The following ROCK1 variants were observed in gnomAD, a reference collection of about 807,000 sequenced individuals.
The protein encoded by ROCK1 is Rho associated coiled-coil containing protein kinase 1.
Under a neutral mutation model 196.8 loss-of-function variants are expected in ROCK1, and 36 were observed. The ratio of observed to expected loss-of-function variants is 0.18; its 90% confidence interval spans 0.14 to 0.24. ROCK1 has a LOEUF of 0.24. ROCK1 is among the 10% of genes least tolerant of loss of function. The probability of loss-of-function intolerance (pLI) is 1.00; values close to 1 mark genes in which losing one functional copy is unlikely to be tolerated. For missense variants in ROCK1, 920 were observed against 1,562.0 expected (o/e 0.59, Z 6.93); for synonymous variants, 443 against 515.9 (o/e 0.86, Z 1.91).
At chr18:20,964,017 CAT>C (rs2035350509) in intron 27 of ROCK1, among the ~76,000 whole-genome samples, 1 of 151,996 alleles carries the variant, frequency 6.6e-6, no homozygotes, top group East Asian at 1.9e-4. Flanking sequence ...ACTAAGGATT[CAT>C]AGAGGCTGCG....
intron 16 of ROCK1, among the ~76,000 whole-genome samples, 158 bp from the exon 17 acceptor site, chr18:20,993,095 G>A (rs2035640398): frequency 6.6e-6 from 1 of 152,180 alleles, no homozygotes; most frequent in African/African-American, 2.4e-5. Context: ...ACAAGATATG[G>A]AATAAAAATA....
At chr18:21,067,051 G>A (rs2036340817) in intron 2 of ROCK1, among the ~76,000 whole-genome samples, 1 of 152,068 alleles carries the variant, frequency 6.6e-6, no homozygotes, top group Non-Finnish European at 1.5e-5. Flanking sequence ...CAATGTACAG[G>A]GTTCCAGCTG....
In ROCK1 at chr18:21,006,418, C is replaced by A; in HGVS notation, c.1818G>T (p.Leu606=). 1 of 1,613,474 alleles carries A rather than the reference C, an allele frequency of 6.2e-7. No individual in the cohort carries two copies. The highest frequency in any genetic ancestry group is 2.2e-5 in the East Asian group (1 of 44,836). ...TTCGTTCAGCTTCTAATATAGCTTG[C>A]AGCTGGTAATAATCTTTGTCTGTTT... ...KSQTDKDYYQ[L]QAILEAERRD... is the part of the protein sequence containing the mutation. Residue 606 remains leucine, a synonymous_variant, in exon 16 of 33, where the codon CTG becomes CTT. Transcript: ENST00000399799.
At chr18:21,107,375 T>G (rs1432395240) in intron 1 of ROCK1, among the ~76,000 whole-genome samples, 4 of 152,078 alleles carry the variant, frequency 2.6e-5, no homozygotes, top group African/African-American at 9.7e-5. Context: ...ATGAATCTAG[T>G]AAAGGAGGTA....
At chr18:21,087,050 G>T (rs919658900) in intron 1 of ROCK1, among the ~76,000 whole-genome samples, 3 of 152,054 alleles carry the variant, frequency 2.0e-5, no homozygotes, top group Non-Finnish European at 4.4e-5. Flanking sequence ...AGGGTAAAAT[G>T]ACAAAAAGGA....
intron 1 of ROCK1, among the ~76,000 whole-genome samples, chr18:21,091,007 TAAAC>T (rs2036565114): frequency 6.6e-6 from 1 of 152,108 alleles, no homozygotes. Flanking sequence ...AGTTGACCCT[TAAAC>T]AACATGAGTT....
chr18:21,044,413 C>A (rs2036137336), intron 5 of ROCK1, among the ~76,000 whole-genome samples: 3 of 152,220 alleles, frequency 2.0e-5, no homozygotes, highest in African/African-American at 4.8e-5. Flanking sequence ...AAGTTTCATT[C>A]TTTCAGAGGG....
intron 2 of ROCK1, among the ~76,000 whole-genome samples, chr18:21,065,334 T>C (rs1309450853): frequency 2.0e-5 from 3 of 152,112 alleles, no homozygotes; most frequent in Admixed American, 6.6e-5. Flanking sequence ...ATAAAAGATA[T>C]AGTATATGAC....
intron 1 of ROCK1, among the ~76,000 whole-genome samples, chr18:21,100,839 C>G (rs2036653439): frequency 6.6e-6 from 1 of 152,172 alleles, no homozygotes; most frequent in Admixed American, 6.5e-5. Flanking sequence ...AGACCTCTTC[C>G]ATAGAGCTAC....
chr18:20,969,881 TTACAGTATAA>T, intron 23 of ROCK1: 1 of 152,686 alleles, frequency 6.5e-6, no homozygotes, highest in East Asian at 1.9e-4. Context: ...TCTATATAGA[TTACAGTATAA>T]ACCTCAGGAA....
intron 9 of ROCK1, among the ~76,000 whole-genome samples, chr18:21,031,636 T>C (rs975071243): frequency 1.4e-5 from 2 of 139,388 alleles, no homozygotes; most frequent in African/African-American, 5.3e-5. Flanking sequence ...GAAAATAATA[T>C]AGAAACCACC....
chr18:20,960,538 C>A, intron 27 of ROCK1: 1 of 186,000 alleles, frequency 5.4e-6, no homozygotes, highest in Non-Finnish European at 1.1e-5. Context: ...TATCATTTAA[C>A]ATTCATATAA....
chr18:21,009,230 G>A (rs1008068550), intron 13 of ROCK1, among the ~76,000 whole-genome samples: 9 of 145,766 alleles, frequency 6.2e-5, no homozygotes, highest in African/African-American at 1.3e-4. Context: ...GGCCAGGATG[G>A]TCTCGATTTC....
intron 2 of ROCK1, among the ~76,000 whole-genome samples, chr18:21,055,293 T>C (rs1388369689): frequency 6.6e-6 from 1 of 152,142 alleles, no homozygotes; most frequent in Non-Finnish European, 1.5e-5. Flanking sequence ...TAGTTCTACT[T>C]GGCAATCCTA....
chr18:21,030,834 G>A (rs1383497963), intron 9 of ROCK1, among the ~76,000 whole-genome samples: 2 of 152,124 alleles, frequency 1.3e-5, no homozygotes, highest in African/African-American at 2.4e-5. Context: ...TGTCAAAAAT[G>A]GCAGAGTAGG....
chr18:21,046,428 C>A (rs1487857673), intron 4 of ROCK1, among the ~76,000 whole-genome samples: 1 of 152,164 alleles, frequency 6.6e-6, no homozygotes, highest in Non-Finnish European at 1.5e-5. Context: ...GTGCACCTAA[C>A]AGATTAACTG....
At chr18:20,957,896 C>G (rs1378968640) in intron 29 of ROCK1, among the ~76,000 whole-genome samples, 1 of 152,072 alleles carries the variant, frequency 6.6e-6, no homozygotes, top group South Asian at 2.1e-4. Flanking sequence ...CAACCGCCCA[C>G]CTTGGTCTCC....
At chr18:21,013,959 G>C (rs1218437183) in intron 13 of ROCK1, among the ~76,000 whole-genome samples, 2 of 151,902 alleles carry the variant, frequency 1.3e-5, no homozygotes, top group South Asian at 2.1e-4. Flanking sequence ...CCAGCTACTC[G>C]GGAGGCTGAG....
chr18:20,979,621 CAA>C, intron 22 of ROCK1, among the ~76,000 whole-genome samples: 1 of 138,386 alleles, frequency 7.2e-6, no homozygotes, highest in Non-Finnish European at 1.6e-5. Context: ...GACTCCATCT[CAA>C]AAAAAAAAAA....
Sources: allele counts gnomAD v4.1 joint callset (sites outside exome capture counted in the v4.1 genomes callset), GRCh38; gene constraint gnomAD v4.1.1; transcripts MANE v1.5; gene names NCBI Gene and HGNC (gene_info 2026-07-23, HGNC 2026-07-21).